The following TMEM131L variants were observed in gnomAD, a reference collection of about 807,000 sequenced individuals.
TMEM131L encodes the protein transmembrane 131 like.
A neutral mutation model predicts 192.2 loss-of-function variants in TMEM131L; 54 were observed. The ratio of observed to expected loss-of-function variants is 0.28; its 90% CI spans 0.23 to 0.35. The LOEUF is 0.35. Ranked by LOEUF, TMEM131L falls within the 10% of genes least tolerant of loss-of-function variation. TMEM131L has a pLI of 1.00. For synonymous variants in TMEM131L, 701 were observed against 704.9 expected (o/e 0.99, Z 0.09); for missense variants, 1,888 against 1,972.9 (o/e 0.96, Z 0.82).
intron 3 of TMEM131L, among the ~76,000 whole-genome samples, chr4:153,538,585 C>T (rs1423923312): frequency 1.3e-5 from 2 of 152,218 alleles, no homozygotes; most frequent in Non-Finnish European, 2.9e-5. Flanking sequence ...CTGCTTCTGG[C>T]CGCCCTGAAA....
rs898734850 is a variant in TMEM131L at position 153,584,064 on chromosome 4, T to C, written c.1060+392T>C. 7.9e-5 allele frequency among the ~76,000 whole-genome samples: 12 copies of C among 152,240 alleles called. 1 individual carries two copies. Among genetic ancestry groups the C allele is most frequent in the African/African-American group, 2.4e-4 (10 of 41,458 alleles). On this transcript the variant is annotated intron_variant, in intron 11 of 34. Coordinates refer to ENST00000409959, the MANE Select transcript of TMEM131L (RefSeq NM_001131007.2). ...GTTTTAAGAGTTTATCCTCCAGATA[T>C]GTATGTATTCAAAACTGTACCTATA...
chr4:153,573,545 TA>T (rs1190503592), intron 7 of TMEM131L, among the ~76,000 whole-genome samples: 2 of 152,228 alleles, frequency 1.3e-5, no homozygotes, highest in Non-Finnish European at 2.9e-5. Context: ...TTGTAATAGT[TA>T]AAAGCTAGTT....
intron 3 of TMEM131L, among the ~76,000 whole-genome samples, chr4:153,497,279 G>T (rs1358185635): frequency 2.0e-5 from 3 of 152,204 alleles, no homozygotes; most frequent in Non-Finnish European, 4.4e-5. Context: ...GGAGCATTCT[G>T]CAAGCATCAT....
At chr4:153,503,949 A>G (rs1404205810) in intron 3 of TMEM131L, among the ~76,000 whole-genome samples, 2 of 152,176 alleles carry the variant, frequency 1.3e-5, no homozygotes, top group Admixed American at 6.5e-5. Flanking sequence ...TGTATAGTGA[A>G]TGTTAAATGC....
intron 2 of TMEM131L, among the ~76,000 whole-genome samples, chr4:153,471,073 C>T (rs903073168): frequency 8.0e-4 from 122 of 151,974 alleles, no homozygotes; most frequent in African/African-American, 2.7e-3. Flanking sequence ...CTGCAACCTC[C>T]GCCTCCTGGG....
At chr4:153,603,626 A>C (rs572111874) in intron 24 of TMEM131L, 174 bp downstream of exon 24, 1 of 988,592 alleles carries the variant, frequency 1.0e-6, no homozygotes, top group Admixed American at 2.9e-5. Flanking sequence ...GTCTCCATGC[A>C]AGGACTTAGT....
chr4:153,587,627 G>T (rs548649094), intron 14 of TMEM131L, 115 bp from the exon 15 acceptor site: 3 of 788,404 alleles, frequency 3.8e-6, no homozygotes, highest in Non-Finnish European at 6.7e-6. Context: ...TTGGCTCGTG[G>T]TTAAAGGGAA....
Position 153,591,193 on chromosome 4 carries a change from T to A in TMEM131L, c.1811T>A (p.Met604Lys). The A allele has an allele frequency of 6.3e-7, 1 of 1,594,722 alleles. No homozygotes were observed. The highest frequency in any genetic ancestry group is 8.5e-7 in the Non-Finnish European group (1 of 1,170,038). ...AGCGCAACTGCCCTTAGGAGCAGGA[T>A]GGTGAGGACAGTGTGTCTTTTCATT... ...NFSATALRSR[M>K]IKYFVVQNPS... Residue 604 changes from methionine to lysine, a missense_variant and splice_region_variant, in exon 17 of 35, where the codon ATG becomes AAG. Physicochemically the swap from Met to Lys is moderately conservative, Grantham distance 95. Coordinates refer to ENST00000409959, the MANE Select transcript of TMEM131L (RefSeq NM_001131007.2).
intron 9 of TMEM131L, 71 bp from the exon 10 acceptor site, chr4:153,583,119 T>C: frequency 2.5e-6 from 2 of 785,600 alleles, no homozygotes; most frequent in Non-Finnish European, 4.6e-6. Flanking sequence ...TATGAAGGTG[T>C]GAGAATGAGA....
At chr4:153,590,038 T>G (rs768254560) in intron 16 of TMEM131L, among the ~76,000 whole-genome samples, 4 of 152,258 alleles carry the variant, frequency 2.6e-5, no homozygotes, top group Non-Finnish European at 5.9e-5. Flanking sequence ...TGTAATTATA[T>G]TGTTTAATAT....
rs530163765 is a variant in TMEM131L, at chr4:153,471,436, C to T, written c.196-2409C>T. ...ATTCAGTACTGCCCATGAAGTCGTC[C>T]TAGTGCGGGAGAGGCAGTTGTCAGT... On this transcript the variant is annotated intron_variant, in intron 2 of 34. Coordinates refer to ENST00000409959, the MANE Select transcript of TMEM131L (RefSeq NM_001131007.2). 3.9e-5 allele frequency among the ~76,000 whole-genome samples: 6 copies of T among 152,260 alleles called. No individual in the cohort carries two copies. The South Asian group carries it at 1.0e-3, about 26-fold the overall frequency.
intron 3 of TMEM131L, among the ~76,000 whole-genome samples, chr4:153,531,627 T>C (rs960254765): frequency 2.0e-5 from 3 of 152,348 alleles, no homozygotes; most frequent in African/African-American, 7.2e-5. Context: ...AACGTGGCAT[T>C]TTACAGTATA....
chr4:153,467,839 A>C (rs1730871392), intron 2 of TMEM131L, among the ~76,000 whole-genome samples: 1 of 152,180 alleles, frequency 6.6e-6, no homozygotes, highest in Non-Finnish European at 1.5e-5. Flanking sequence ...GTAGAAAAAT[A>C]ATTACTGACG....
At chr4:153,481,647 A>G (rs965743847) in intron 3 of TMEM131L, among the ~76,000 whole-genome samples, 1 of 152,196 alleles carries the variant, frequency 6.6e-6, no homozygotes. Context: ...GGGATCCTCC[A>G]ACCTCAGCCT....
At chr4:153,490,489 T>G (rs899560204) in intron 3 of TMEM131L, among the ~76,000 whole-genome samples, 9 of 152,158 alleles carry the variant, frequency 5.9e-5, no homozygotes, top group African/African-American at 2.2e-4. Context: ...AATTTGAAAG[T>G]ATGTTTAGGG....
intron 6 of TMEM131L, among the ~76,000 whole-genome samples, chr4:153,557,597 A>G (rs1452177938): frequency 1.3e-5 from 2 of 152,176 alleles, no homozygotes; most frequent in African/African-American, 4.8e-5. Context: ...AGAAATAGGA[A>G]TCTTTACCTT....
intron 26 of TMEM131L, among the ~76,000 whole-genome samples, chr4:153,620,337 C>T (rs935497138): frequency 6.6e-6 from 1 of 152,266 alleles, no homozygotes; most frequent in Middle Eastern, 3.4e-3. Flanking sequence ...TCCTAAAGTT[C>T]GTCTATAAAC....
At chr4:153,467,486 G>A (rs568086919) in intron 2 of TMEM131L, among the ~76,000 whole-genome samples, 1 of 152,376 alleles carries the variant, frequency 6.6e-6, no homozygotes, top group East Asian at 1.9e-4. Context: ...GCCTGAGGCA[G>A]GCCGGCCCCA....
intron 3 of TMEM131L, among the ~76,000 whole-genome samples, chr4:153,508,748 G>A (rs1734155119): frequency 6.7e-6 from 1 of 149,686 alleles, no homozygotes; most frequent in Non-Finnish European, 1.5e-5. Context: ...GGGATCAAGC[G>A]ATCCTCCCAA....
Sources: allele counts gnomAD v4.1 joint callset (sites outside exome capture counted in the v4.1 genomes callset), GRCh38; gene constraint gnomAD v4.1.1; transcripts MANE v1.5; gene names NCBI Gene and HGNC (gene_info 2026-07-23, HGNC 2026-07-21).